STK17A: variants seen among roughly 807,000 people sequenced by gnomAD.
STK17A encodes the protein serine/threonine kinase 17a.
STK17A carries 26 observed loss-of-function variants against 43.7 expected under a neutral mutation model. The ratio of observed to expected loss-of-function variants is 0.60; its 90% CI spans 0.44 to 0.83. The LOEUF (loss-of-function observed/expected upper bound fraction) is 0.83, where lower values mean the gene tolerates loss of function less well. Among genes scored for constraint, STK17A ranks in the 40% least tolerant of loss-of-function variants. The pLI, the probability that STK17A is intolerant of heterozygous loss-of-function variation, is 0.00. For synonymous variants in STK17A, 191 were observed against 182.5 expected, an observed-to-expected ratio of 1.05 and a Z score of -0.38; for missense variants, 476 against 511.6, an observed-to-expected ratio of 0.93 and a Z score of 0.67.
chr7:43,623,865 G>T lies in STK17A; in HGVS notation c.897G>T (p.Arg299Ser). The T allele has an allele frequency of 6.4e-7, 1 of 1,568,120 alleles. No homozygotes were observed. Among genetic ancestry groups the T allele is most frequent in the Non-Finnish European group, 8.6e-7 (1 of 1,162,582 alleles). Residue 299 changes from arginine to serine, a missense_variant, in exon 6 of 7, where the codon AGG (arginine) becomes AGT (serine). Transcript: ENST00000319357. ...CTGAGTCGGCTGTTGATTTCATCAGGACACTTTTAGTTAAGAAACCTGAGT... is the reference window on the plus strand; with the variant it reads ...CTGAGTCGGCTGTTGATTTCATCAGTACACTTTTAGTTAAGAAACCTGAGT... ...VLSESAVDFI[R>S]TLLVKKPEDR...
At position 43,625,455 on chromosome 7, in the gene STK17A, AATT is replaced by A. The variant is rs1247042112; in HGVS notation, c.*614_*616del. 4.6e-5 allele frequency: 7 copies of A among 152,056 alleles called. No homozygotes were observed. The highest frequency in any genetic ancestry group is 1.7e-4 in the African/African-American group (7 of 41,396). 9.4% of individuals were successfully genotyped at this position (152,056 alleles called of 1,614,324 possible). On this transcript the variant is annotated 3_prime_UTR_variant, in exon 7 of 7. Coordinates refer to ENST00000319357, the MANE Select transcript of STK17A (RefSeq NM_004760.3). ...TAGTAACATATCAGTGAAAAACCCTAATTTTTTTTCTCTTCAATGTCACTAGTA... is the reference window on the plus strand; with the variant it reads ...TAGTAACATATCAGTGAAAAACCCTATTTTTTCTCTTCAATGTCACTAGTA...
At chr7:43,609,530 T>C (rs893843580) in intron 3 of STK17A, 2 of 152,182 alleles carry the variant, frequency 1.3e-5, no homozygotes, top group Non-Finnish European at 2.9e-5. Flanking sequence ...CAGGAGACAA[T>C]AAAGGTCCAC....
chr7:43,611,481 CTGA>C (rs763248650), intron 3 of STK17A, among the ~76,000 whole-genome samples: 1 of 152,142 alleles, frequency 6.6e-6, no homozygotes, highest in Non-Finnish European at 1.5e-5. Context: ...CTGAGGTGGC[CTGA>C]TGTTAATGCT....
In STK17A at chr7:43,624,787, G is replaced by A. The variant is rs781270039; in HGVS notation, c.1190G>A (p.Arg397Gln). 1.9e-6 allele frequency: 3 copies of A among 1,610,444 alleles called. No homozygotes were observed. Among genetic ancestry groups the A allele is most frequent in the South Asian group, 2.2e-5 (2 of 90,396 alleles). The stretch of plus-strand genomic sequence containing the variant: ...ATGGAGCAAAAGGCCATTTCCAAAC[G>A]ATTTAAATTTGAGGAACCTTTGCTA... ...EKMEQKAISKRFKFEEPLLQE... is the reference protein window; with the variant it reads ...EKMEQKAISKQFKFEEPLLQE... Residue 397 changes from arginine to glutamine, a missense_variant, in exon 7 of 7, where the codon CGA becomes CAA. Around this residue, in one of 3 missense-constraint regions of STK17A, gnomAD observed 110 missense variants for 103.7 expected, o/e 1.06. Transcript: ENST00000319357.
intron 1 of STK17A, 46 bp from the exon 2 acceptor site, chr7:43,595,855 T>G (rs751107448): frequency 1.3e-6 from 2 of 1,569,754 alleles, no homozygotes; most frequent in Non-Finnish European, 1.7e-6. Flanking sequence ...CTGCCATCTC[T>G]GGAAAGTTGT....
chr7:43,607,522 G>A (rs547396496), intron 2 of STK17A, among the ~76,000 whole-genome samples: 5 of 151,794 alleles, frequency 3.3e-5, no homozygotes, highest in African/African-American at 1.2e-4. Flanking sequence ...GGTGGCCCAC[G>A]CCTGTAGTCC....
At position 43,625,074 on chromosome 7, in the gene STK17A, G is replaced by A. The variant is rs890590969; in HGVS notation, c.*232G>A. On this transcript the variant is annotated 3_prime_UTR_variant, in exon 7 of 7. Transcript: ENST00000319357. Reference sequence around the variant, plus strand: ...TTTCAATGTTATTTTTAAGAAGGGAGATGTTGGCACCTTTGAATTCTACAT... The same window carrying A: ...TTTCAATGTTATTTTTAAGAAGGGAAATGTTGGCACCTTTGAATTCTACAT... 2.5e-5 allele frequency: 9 copies of A among 357,316 alleles called. No homozygotes were observed. The highest frequency in any genetic ancestry group is 1.1e-4 in the African/African-American group (5 of 47,500). 22.1% of individuals were successfully genotyped at this position (357,316 alleles called of 1,614,324 possible).
At position 43,625,402 on chromosome 7, in the gene STK17A, G is replaced by A. The variant is rs2084393876; in HGVS notation, c.*560G>A. 1 of 152,034 alleles carries A rather than the reference G, an allele frequency of 6.6e-6. No homozygotes were observed. The allele number at this position is 152,034 out of a possible 1,614,324, so 9.4% of individuals were successfully genotyped here. A position where few individuals can be genotyped will look rare whatever the true frequency, so the allele number is the denominator to read the frequency against. ...TTACTGCTTTATAGTGACTTGATTTGGTTTCTGTTGTGTTTTTGCCTAAAT... is the reference window on the plus strand; with the variant it reads ...TTACTGCTTTATAGTGACTTGATTTAGTTTCTGTTGTGTTTTTGCCTAAAT... On this transcript the variant is annotated 3_prime_UTR_variant, in exon 7 of 7. Coordinates refer to ENST00000319357, the MANE Select transcript of STK17A (RefSeq NM_004760.3).
chr7:43,595,216 TTCA>T (rs2082506572), intron 1 of STK17A, among the ~76,000 whole-genome samples: 1 of 151,748 alleles, frequency 6.6e-6, no homozygotes, highest in Non-Finnish European at 1.5e-5. Flanking sequence ...TGCAGTGAAA[TTCA>T]TCATATTAGG....
intron 1 of STK17A, among the ~76,000 whole-genome samples, chr7:43,593,872 T>G (rs2082497445): frequency 1.3e-5 from 2 of 152,124 alleles, no homozygotes; most frequent in Admixed American, 6.5e-5. Flanking sequence ...TAAAATATAG[T>G]ATGAGGATAC....
intron 4 of STK17A, chr7:43,622,624 A>C (rs1161080849): frequency 6.6e-6 from 1 of 151,856 alleles, no homozygotes; most frequent in Non-Finnish European, 1.5e-5. Flanking sequence ...ATTTTTCCTG[A>C]ATCCTTGCAT....
intron 1 of STK17A, among the ~76,000 whole-genome samples, chr7:43,593,768 C>G (rs1485918255): frequency 1.3e-5 from 2 of 149,904 alleles, no homozygotes; most frequent in African/African-American, 4.9e-5. Flanking sequence ...GATATCATCC[C>G]TTTGTTGGAG....
At chr7:43,619,909 GATCTCTTCACT>G (rs1293573025) in intron 4 of STK17A, among the ~76,000 whole-genome samples, 186 bp downstream of exon 4, 3 of 152,300 alleles carry the variant, frequency 2.0e-5, no homozygotes, top group Non-Finnish European at 2.9e-5. Context: ...CCAAATTGGT[GATCTCTTCACT>G]ATCTCTTCAC....
intron 1 of STK17A, among the ~76,000 whole-genome samples, chr7:43,594,887 AAAAG>A (rs1309851344): frequency 4.7e-4 from 71 of 150,004 alleles, no homozygotes; most frequent in Non-Finnish European, 7.2e-4. Context: ...AAAAAAAAAA[AAAAG>A]AAAGAAAGAA....
chr7:43,624,864 T>TCAA lies in STK17A; in HGVS notation c.*23_*25dup, dbSNP rs1441141073. On this transcript the variant is annotated 3_prime_UTR_variant, in exon 7 of 7. Transcript: ENST00000319357. ...CTGAGCAATATTTCCCTTTAGAACT[T>TCAA]CAAGATTTCTACATTGAAAATGTTA... is the stretch of plus-strand genomic sequence containing the variant. 1 of 1,555,256 alleles carries TCAA rather than the reference T, an allele frequency of 6.4e-7. No individual in the cohort carries two copies. The highest frequency in any genetic ancestry group is 8.7e-7 in the Non-Finnish European group (1 of 1,151,132).
intron 2 of STK17A, among the ~76,000 whole-genome samples, chr7:43,602,533 C>T (rs1005056075): frequency 1.6e-4 from 25 of 152,288 alleles, no homozygotes; most frequent in African/African-American, 5.5e-4. Context: ...GTATTCATGC[C>T]AGTTCTTGCT....
rs1272302979 is a variant in STK17A at position 43,597,355 on chromosome 7, G to A, written c.419+1242G>A. Among the ~76,000 whole-genome samples the A allele has an allele frequency of 4.6e-5, 7 of 151,360 alleles. No homozygotes were observed. The East Asian group carries it at 5.8e-4, about 13-fold the overall frequency. ...TCTGTAAAAGACATTTATTTGGTGC[G>A]GTGGCTCATGCCTGTAGTTCAGCAC... On this transcript the variant is annotated intron_variant, in intron 2 of 6. Transcript: ENST00000319357.
intron 2 of STK17A, among the ~76,000 whole-genome samples, chr7:43,605,547 C>T (rs1423551961): frequency 6.6e-6 from 1 of 152,032 alleles, no homozygotes; most frequent in Non-Finnish European, 1.5e-5. Context: ...TACTATTGAG[C>T]AGATCTCTTT....
intron 3 of STK17A, among the ~76,000 whole-genome samples, chr7:43,610,555 T>G (rs1178224665): frequency 2.0e-5 from 3 of 151,692 alleles, no homozygotes; most frequent in East Asian, 3.9e-4. Context: ...TAGTCCCAGC[T>G]ACTCCAGAGG....
Sources: allele counts gnomAD v4.1 joint callset (sites outside exome capture counted in the v4.1 genomes callset), GRCh38; gene constraint gnomAD v4.1.1; regional missense constraint gnomAD v4.1.1; transcripts MANE v1.5; gene names NCBI Gene and HGNC (gene_info 2026-07-23, HGNC 2026-07-21).